EFNA1: variants seen among roughly 807,000 people sequenced by gnomAD.
EFNA1 encodes ephrin-A1.
A neutral mutation model predicts 23.2 loss-of-function variants in EFNA1; 8 were observed. That is an observed-to-expected ratio of 0.34 (90% CI 0.20 to 0.62). The LOEUF (loss-of-function observed/expected upper bound fraction) is 0.62, where lower values mean the gene tolerates loss of function less well. Among genes scored for constraint, EFNA1 ranks in the 20% least tolerant of loss-of-function variants. EFNA1 has a pLI of 0.75. For synonymous variants in EFNA1, 89 were observed against 98.6 expected (o/e 0.90, Z 0.58); for missense variants, 217 against 260.0 (o/e 0.83, Z 1.14).
chr1:155,133,604 T>C (rs1339865350), intron 3 of EFNA1, 36 bp downstream of exon 3: 2 of 1,612,818 alleles, frequency 1.2e-6, no homozygotes, highest in African/African-American at 1.3e-5. Flanking sequence ...CCTTCCTCCA[T>C]CTCTATGCTG....
intron 3 of EFNA1, 60 bp from the exon 4 acceptor site, chr1:155,133,670 A>G: frequency 6.2e-7 from 1 of 1,609,200 alleles, no homozygotes; most frequent in South Asian, 1.1e-5. Context: ...GCCCACTCAT[A>G]CTTACAGCCC....
rs866318420 is a variant in EFNA1, at chr1:155,133,750, G to A, written c.475G>A (p.Asp159Asn). 1.9e-6 allele frequency: 3 copies of A among 1,614,118 alleles called. No individual in the cohort carries two copies. Among genetic ancestry groups the A allele is most frequent in the Non-Finnish European group, 1.7e-6 (2 of 1,180,012 alleles). Residue 159 changes from aspartate to asparagine, a missense_variant, in exon 4 of 5, where the codon GAC (aspartate) becomes AAC (asparagine). Physicochemically the swap from Asp to Asn is conservative, Grantham distance 23. Coordinates refer to ENST00000368407, the MANE Select transcript of EFNA1 (RefSeq NM_004428.3). ...TTCAGCTCACAGTCCTCAGGCCCAT[G>A]ACAATCCACAGGAGAAGAGACTTGC... ...GKITHSPQAH[D>N]NPQEKRLAAD...
At chr1:155,130,897 T>G (rs536819481) in intron 1 of EFNA1, 1 of 985,374 alleles carries the variant, frequency 1.0e-6, no homozygotes, top group East Asian at 1.1e-4. Flanking sequence ...AAGGGTTTCC[T>G]GGATTCTGAT....
intron 1 of EFNA1, chr1:155,130,505 G>C (rs1664213255): frequency 1.0e-6 from 1 of 983,136 alleles, no homozygotes; most frequent in Non-Finnish European, 1.2e-6. Flanking sequence ...GGAGAGAGGG[G>C]AGAGAGGGGA....
At position 155,132,525 on chromosome 1, in the gene EFNA1, GGCATGAACCACCGC is replaced by G. The variant is rs1664262601; in HGVS notation, c.388+897_388+910del. Among the ~76,000 whole-genome samples the G allele has an allele frequency of 3.3e-5, 5 of 151,622 alleles. No homozygotes were observed. In the South Asian group the frequency reaches 1.0e-3, roughly 32 times the overall value. On this transcript the variant is annotated intron_variant, in intron 2 of 4. Transcript: ENST00000368407. ...AGCCTCCCAAAGTGCTGGGATTATA[GGCATGAACCACCGC>G]GCATGGCCTGATGGATTTTAAAAGT... is the stretch of plus-strand genomic sequence containing the variant.
At chr1:155,133,820 G>A (rs1258626284) in intron 4 of EFNA1, 40 bp downstream of exon 4, 1 of 1,612,760 alleles carries the variant, frequency 6.2e-7, no homozygotes, top group African/African-American at 1.3e-5. Context: ...GCACAGGAAG[G>A]GGTCTGCTTG....
At position 155,127,989 on chromosome 1, in the gene EFNA1, C is replaced by G. The variant is rs1664136256; in HGVS notation, c.12C>G (p.Leu4=). The change falls in exon 1 of 5, where the codon CTC becomes CTG. Residue 4 remains leucine, a synonymous_variant. Transcript: ENST00000368407. The surrounding 1 kb of genome is among the most constrained non-coding windows in gnomAD (Gnocchi z 4.4). MEF[L]WAPLLGLCCS... is the part of the protein sequence containing the mutation. ...CCAGGCCCCGCGCTATGGAGTTCCTCTGGGCCCCTCTCTTGGGTCTGTGCT... is the reference window on the plus strand; with the variant it reads ...CCAGGCCCCGCGCTATGGAGTTCCTGTGGGCCCCTCTCTTGGGTCTGTGCT... 1 of 1,613,254 alleles carries G rather than the reference C, an allele frequency of 6.2e-7. No homozygotes were observed. Among genetic ancestry groups the G allele is most frequent in the Non-Finnish European group, 8.5e-7 (1 of 1,179,962 alleles).
chr1:155,134,403 C>A lies in EFNA1; in HGVS notation c.*336C>A. 1 of 344,134 alleles carries A rather than the reference C, an allele frequency of 2.9e-6. No homozygotes were observed. The highest frequency in any genetic ancestry group is 5.5e-6 in the Non-Finnish European group (1 of 181,274). 21.3% of individuals were successfully genotyped at this position (344,134 alleles called of 1,614,324 possible). On this transcript the variant is annotated 3_prime_UTR_variant, in exon 5 of 5. Coordinates refer to ENST00000368407, the MANE Select transcript of EFNA1 (RefSeq NM_004428.3). Reference sequence around the variant, plus strand: ...ACAGTGGGAGCTGAGCTGGAAGGGGCCACGTGGATGGGCAAAGCTTGTCAA... The same window carrying A: ...ACAGTGGGAGCTGAGCTGGAAGGGGACACGTGGATGGGCAAAGCTTGTCAA...
At chr1:155,128,124 C>G (rs1045928452) in intron 1 of EFNA1, 55 bp downstream of exon 1, 1 of 1,506,124 alleles carries the variant, frequency 6.6e-7, no homozygotes, top group Non-Finnish European at 9.2e-7. Context: ...ACTACCCCAC[C>G]GGGATAACTG....
Position 155,127,963 on chromosome 1 carries a change from G to T in EFNA1, c.-15G>T. 6.2e-7 allele frequency: 1 copy of T among 1,610,256 alleles called. No homozygotes were observed. ...GAGACCCGCGTCCCCGCTCGGCCTG[G>T]CCAGGCCCCGCGCTATGGAGTTCCT... On this transcript the variant is annotated 5_prime_UTR_variant, in exon 1 of 5. Transcript: ENST00000368407. This position sits in a 1 kb window ranked among gnomAD's most constrained non-coding sequence, Gnocchi z 4.4.
intron 1 of EFNA1, chr1:155,130,430 G>T (rs1419288012): frequency 1.2e-6 from 1 of 865,596 alleles, no homozygotes; most frequent in African/African-American, 1.8e-5. Flanking sequence ...CAGGGGGAAT[G>T]AACTAGGGGA....
intron 2 of EFNA1, among the ~76,000 whole-genome samples, chr1:155,132,253 T>C (rs1052314713): frequency 6.6e-6 from 1 of 152,036 alleles, no homozygotes; most frequent in African/African-American, 2.4e-5. Context: ...ATTTTATTAT[T>C]ATTATTACTC....
chr1:155,134,106 G>C lies in EFNA1; in HGVS notation c.*39G>C, dbSNP rs750303308. 1.9e-6 allele frequency: 3 copies of C among 1,592,748 alleles called. No individual in the cohort carries two copies. The African/African-American group carries it at 4.0e-5, about 21-fold the overall frequency. ...ACCTGGCCTTAAAGAGGGACAGGCT[G>C]AAGAGAGGGACAGGCACTCCAAACC... On this transcript the variant is annotated 3_prime_UTR_variant, in exon 5 of 5. Coordinates refer to ENST00000368407, the MANE Select transcript of EFNA1 (RefSeq NM_004428.3).
intron 3 of EFNA1, 37 bp downstream of exon 3, chr1:155,133,605 C>G (rs1024845969): frequency 1.4e-5 from 23 of 1,612,444 alleles, no homozygotes; most frequent in Non-Finnish European, 1.9e-5. Flanking sequence ...CTTCCTCCAT[C>G]TCTATGCTGG....
Position 155,133,983 on chromosome 1 carries a change from C to T in EFNA1, c.534C>T (p.Ser178=). The T allele has an allele frequency of 6.2e-7, 1 of 1,614,174 alleles. No homozygotes were observed. The highest frequency in any genetic ancestry group is 8.5e-7 in the Non-Finnish European group (1 of 1,180,018). Residue 178 remains serine (S), a synonymous_variant, in exon 5 of 5, where the codon AGC becomes AGT. Coordinates refer to ENST00000368407, the MANE Select transcript of EFNA1 (RefSeq NM_004428.3). ...ACCCAGAGGTGCGGGTTCTACATAG[C>T]ATCGGTCACAGTGCTGCCCCACGCC... ...ADDPEVRVLH[S]IGHSAAPRLF... is the part of the protein sequence containing the mutation.
chr1:155,130,962 G>A, intron 1 of EFNA1: 1 of 985,406 alleles, frequency 1.0e-6, no homozygotes, highest in Non-Finnish European at 1.2e-6. Flanking sequence ...TTTAAAAGGA[G>A]CAACTGGTAG....
Position 155,131,343 on chromosome 1 carries a change from C to T in EFNA1, c.97C>T (p.Arg33Trp), listed in dbSNP as rs145089843. The T allele has an allele frequency of 1.3e-3, 2,025 of 1,600,140 alleles. 20 individuals are homozygous for T. In the African/African-American group the frequency reaches 0.023, roughly 18 times the overall value. Residue 33 changes from arginine (R) to tryptophan (W), a missense_variant, in exon 2 of 5, where the codon CGG becomes TGG. Coordinates refer to ENST00000368407, the MANE Select transcript of EFNA1 (RefSeq NM_004428.3). ...VFWNSSNPKF[R>W]NEDYTIHVQL... ...TCCCCCTGTGTGTGTCCCCAGGTTCCGGAATGAGGACTACACCATACATGT... is the reference window on the plus strand; with the variant it reads ...TCCCCCTGTGTGTGTCCCCAGGTTCTGGAATGAGGACTACACCATACATGT...
At position 155,133,941 on chromosome 1, in the gene EFNA1, C is replaced by T. The variant is rs372418829; in HGVS notation, c.506-14C>T. On this transcript the variant is annotated splice_polypyrimidine_tract_variant and intron_variant, in intron 4 of 4. Coordinates refer to ENST00000368407, the MANE Select transcript of EFNA1 (RefSeq NM_004428.3). ...GCCACTCACACTGGTGGCCTTTGCC[C>T]TCTCACCTTGCAGATGACCCAGAGG... The T allele has an allele frequency of 1.0e-4, 166 of 1,613,428 alleles. No homozygotes were observed. Among genetic ancestry groups the T allele is most frequent in the Non-Finnish European group, 1.3e-4 (153 of 1,179,714 alleles).
In EFNA1 at chr1:155,131,319, C is replaced by T. The variant is rs759356094; in HGVS notation, c.93-20C>T. 25 of 1,591,450 alleles carry T rather than the reference C, an allele frequency of 1.6e-5. No homozygotes were observed. The South Asian group carries it at 2.7e-4, about 17-fold the overall frequency. On this transcript the variant is annotated intron_variant, in intron 1 of 4. Transcript: ENST00000368407. ...GCTTCTGAATGACCACCTGCTTCTT[C>T]CCCCTGTGTGTGTCCCCAGGTTCCG...
Sources: gnomAD v4.1 joint callset for allele counts (sites outside exome capture counted in the v4.1 genomes callset) on GRCh38, gnomAD v4.1.1 for gene constraint, Gnocchi (gnomAD v3.1) non-coding constraint, MANE v1.5 for transcripts, NCBI Gene and HGNC (gene_info 2026-07-23, HGNC 2026-07-21) for gene names.